CACNA1C: variants seen among roughly 807,000 people sequenced by gnomAD.
The protein encoded by CACNA1C is calcium voltage-gated channel subunit alpha1 C.
In CACNA1C, 30 loss-of-function variants were observed where a neutral mutation model predicts 229.0. The ratio of observed to expected loss-of-function variants is 0.13; its 90% confidence interval spans 0.10 to 0.18. CACNA1C has a LOEUF of 0.18. CACNA1C is among the 10% of genes least tolerant of loss of function. The probability of loss-of-function intolerance (pLI) is 1.00; values close to 1 mark genes in which losing one functional copy is unlikely to be tolerated. For missense variants in CACNA1C, 1,658 were observed against 2,845.0 expected, an observed-to-expected ratio of 0.58 and a Z score of 9.49; for synonymous variants, 1,114 against 1,132.5, an observed-to-expected ratio of 0.98 and a Z score of 0.33.
At chr12:2,110,151 A>T (rs2081087482) in intron 1 of CACNA1C, among the ~76,000 whole-genome samples, 1 of 152,202 alleles carries the variant, frequency 6.6e-6, no homozygotes, top group Admixed American at 6.5e-5. Context: ...CTGACTCCTA[A>T]CTTGGACTCC....
intron 3 of CACNA1C, among the ~76,000 whole-genome samples, chr12:2,429,520 A>G (rs150924433): frequency 6.6e-6 from 1 of 152,324 alleles, no homozygotes; most frequent in African/African-American, 2.4e-5. Context: ...CCAGTGGGGT[A>G]AACCTTGCTT....
chr12:2,110,441 C>A (rs2081214829), intron 1 of CACNA1C, among the ~76,000 whole-genome samples: 2 of 152,222 alleles, frequency 1.3e-5, no homozygotes, highest in African/African-American at 2.4e-5. Flanking sequence ...ACAGCCCAGT[C>A]AGACAGAGCC....
chr12:2,681,217 G>C (rs1603451873), intron 42 of CACNA1C, among the ~76,000 whole-genome samples: 1 of 152,200 alleles, frequency 6.6e-6, no homozygotes, highest in South Asian at 2.1e-4. Context: ...TAAGGGGAGA[G>C]GGATGTTTAG....
At chr12:2,610,804 T>C in intron 28 of CACNA1C, 105 bp downstream of exon 28, 1 of 1,145,424 alleles carries the variant, frequency 8.7e-7, no homozygotes, top group Non-Finnish European at 1.3e-6. Context: ...GCTTTCCTGG[T>C]CACCAAGGGA....
At chr12:2,523,420 C>T (rs1041830946) in intron 9 of CACNA1C, among the ~76,000 whole-genome samples, 2 of 152,096 alleles carry the variant, frequency 1.3e-5, no homozygotes, top group African/African-American at 4.8e-5. Flanking sequence ...TGATCAGCCA[C>T]AATGCTCTGG....
At chr12:2,056,007 C>T (rs1406762667) in intron 1 of CACNA1C, among the ~76,000 whole-genome samples, 1 of 152,090 alleles carries the variant, frequency 6.6e-6, no homozygotes, top group East Asian at 1.9e-4. Flanking sequence ...TTTCAGGAGA[C>T]AGAAGAGGAG....
intron 7 of CACNA1C, among the ~76,000 whole-genome samples, chr12:2,503,164 A>G (rs1229159261): frequency 6.6e-6 from 1 of 152,236 alleles, no homozygotes; most frequent in African/African-American, 2.4e-5. Context: ...TAGGGCCGTC[A>G]AAACGTGGGT....
intron 3 of CACNA1C, among the ~76,000 whole-genome samples, chr12:2,311,816 G>C (rs1592427479): frequency 6.6e-6 from 1 of 152,240 alleles, no homozygotes; most frequent in East Asian, 1.9e-4. Context: ...AAAGTAGCAT[G>C]AAAGTTTTGG....
intron 1 of CACNA1C, chr12:2,004,584 G>A (rs2043020998): frequency 1.7e-6 from 2 of 1,149,866 alleles, no homozygotes; most frequent in Non-Finnish European, 2.4e-6. Context: ...CCTGCCCGCC[G>A]ACAGACGCAA....
chr12:2,155,815 G>C (rs1351693416), intron 3 of CACNA1C, among the ~76,000 whole-genome samples: 1 of 152,124 alleles, frequency 6.6e-6, no homozygotes, highest in African/African-American at 2.4e-5. Flanking sequence ...CTTTTCTCAT[G>C]TTTTCCAGGG....
chr12:2,068,526 A>C (rs1405848840), intron 1 of CACNA1C, among the ~76,000 whole-genome samples: 1 of 152,252 alleles, frequency 6.6e-6, no homozygotes, highest in African/African-American at 2.4e-5. Context: ...AAAGAGGCAC[A>C]GTTGTTGACT....
chr12:2,536,671 A>G (rs1239858832), intron 9 of CACNA1C, among the ~76,000 whole-genome samples: 1 of 152,096 alleles, frequency 6.6e-6, no homozygotes, highest in East Asian at 1.9e-4. Context: ...TCTACAAAAA[A>G]TTTAAAAATT....
chr12:2,380,009 C>T (rs1353997647), intron 3 of CACNA1C, among the ~76,000 whole-genome samples: 5 of 116,656 alleles, frequency 4.3e-5, no homozygotes, highest in Non-Finnish European at 9.4e-5. Context: ...CCAGCCTGGG[C>T]GACAGAGCGA....
chr12:2,501,773 G>A (rs763450373), intron 7 of CACNA1C, among the ~76,000 whole-genome samples: 3 of 152,182 alleles, frequency 2.0e-5, no homozygotes, highest in South Asian at 4.1e-4. Context: ...TTACCTTATC[G>A]CTAAAGGAAA....
At chr12:2,098,929 G>A (rs1163154731) in intron 1 of CACNA1C, among the ~76,000 whole-genome samples, 1 of 152,210 alleles carries the variant, frequency 6.6e-6, no homozygotes, top group Admixed American at 6.5e-5. Flanking sequence ...ATTGAGGCGT[G>A]GAGAGCATGT....
intron 3 of CACNA1C, among the ~76,000 whole-genome samples, chr12:2,289,758 C>G (rs1219504581): frequency 6.6e-6 from 1 of 152,142 alleles, no homozygotes; most frequent in Non-Finnish European, 1.5e-5. Context: ...CCGGGGACAC[C>G]TAGTTCTTAA....
At chr12:2,534,440 G>A (rs142339976) in intron 9 of CACNA1C, among the ~76,000 whole-genome samples, 13 of 152,336 alleles carry the variant, frequency 8.5e-5, no homozygotes, top group South Asian at 8.3e-4. Context: ...AGAGAATTAC[G>A]TGTGGGCTTC....
intron 9 of CACNA1C, among the ~76,000 whole-genome samples, chr12:2,542,016 G>A (rs544096424): frequency 3.9e-4 from 59 of 152,194 alleles, no homozygotes; most frequent in African/African-American, 1.3e-3. Context: ...CCAGTCTCAG[G>A]ATGGGAAGGA....
At chr12:2,341,850 T>G (rs926246463) in intron 3 of CACNA1C, among the ~76,000 whole-genome samples, 1 of 152,230 alleles carries the variant, frequency 6.6e-6, no homozygotes, top group Non-Finnish European at 1.5e-5. Context: ...TGTGATGATC[T>G]GTTTACCGCA....
Sources: gnomAD v4.1 joint callset for allele counts (sites outside exome capture counted in the v4.1 genomes callset) on GRCh38, gnomAD v4.1.1 for gene constraint, MANE v1.5 for transcripts, NCBI Gene and HGNC (gene_info 2026-07-23, HGNC 2026-07-21) for gene names.